Variants in FNDC3A observed in about 807,000 individuals in gnomAD.
FNDC3A encodes the protein fibronectin type-III domain-containing protein 3A.
FNDC3A carries 32 observed loss-of-function variants against 148.9 expected under a neutral mutation model. That is an observed-to-expected ratio of 0.21 (90% confidence interval 0.16 to 0.29). FNDC3A has a LOEUF of 0.29. FNDC3A is among the 10% of genes least tolerant of loss of function. The probability of loss-of-function intolerance (pLI) is 1.00; values close to 1 mark genes in which losing one functional copy is unlikely to be tolerated. For synonymous variants in FNDC3A, 472 were observed against 473.6 expected (o/e 1.00, Z 0.04); for missense variants, 1,191 against 1,452.8 (o/e 0.82, Z 2.93).
rs528184270 is a variant in FNDC3A, at chr13:49,176,826, G to T, written c.1530+1285G>T. Among the ~76,000 whole-genome samples, 5 of 152,122 alleles carry T rather than the reference G, an allele frequency of 3.3e-5. No individual in the cohort carries two copies. In the South Asian group the frequency reaches 1.0e-3, roughly 32 times the overall value. On this transcript the variant is annotated intron_variant, in intron 13 of 25. Transcript: ENST00000492622. Reference sequence around the variant, plus strand: ...AGTCTTTTTTTTTCTTTTGCAACAGGGTCTTGCTCTGTAGCCCAGGCTGGA... The same window carrying T: ...AGTCTTTTTTTTTCTTTTGCAACAGTGTCTTGCTCTGTAGCCCAGGCTGGA...
Position 49,203,389 on chromosome 13 carries a change from T to C in FNDC3A, c.3282+105T>C, listed in dbSNP as rs112094843. On this transcript the variant is annotated intron_variant, in intron 25 of 25. Transcript: ENST00000492622. ...CCATCTTTACCTTTTAATTCATAAA[T>C]ATTTATTCAGTATATATTATGTTCC... The C allele has an allele frequency of 1.9e-3, 1,490 of 772,328 alleles. 17 individuals are homozygous for C. In the African/African-American group the frequency reaches 0.023, roughly 12 times the overall value. The allele number at this position is 772,328 out of a possible 1,614,324, so 47.8% of individuals were successfully genotyped here. A position where few individuals can be genotyped will look rare whatever the true frequency, so the allele number is the denominator to read the frequency against.
intron 2 of FNDC3A, among the ~76,000 whole-genome samples, chr13:49,035,216 A>C (rs1416696548): frequency 6.6e-6 from 1 of 152,116 alleles, no homozygotes; most frequent in African/African-American, 2.4e-5. Context: ...ACCCATGTGC[A>C]GGTAATGACA....
At chr13:49,047,637 A>T (rs1875518683) in intron 2 of FNDC3A, among the ~76,000 whole-genome samples, 1 of 151,268 alleles carries the variant, frequency 6.6e-6, no homozygotes, top group African/African-American at 2.4e-5. Context: ...TTTTGATGGG[A>T]TTGTTTGTTT....
chr13:49,192,352 TG>T (rs1885929532), intron 19 of FNDC3A, among the ~76,000 whole-genome samples: 1 of 152,148 alleles, frequency 6.6e-6, no homozygotes, highest in African/African-American at 2.4e-5. Context: ...TGGAATGCAG[TG>T]GTGTGATCTT....
intron 4 of FNDC3A, among the ~76,000 whole-genome samples, chr13:49,121,578 G>A (rs1881346063): frequency 6.6e-6 from 1 of 151,788 alleles, no homozygotes; most frequent in Non-Finnish European, 1.5e-5. Context: ...TTGAAAAGAT[G>A]AACAAAATAG....
intron 2 of FNDC3A, among the ~76,000 whole-genome samples, chr13:49,024,457 A>T (rs894107549): frequency 6.6e-6 from 1 of 152,062 alleles, no homozygotes; most frequent in Non-Finnish European, 1.5e-5. Flanking sequence ...CCTGATGGAC[A>T]TAGACACAAA....
At chr13:49,079,433 A>G (rs1400905289) in intron 3 of FNDC3A, among the ~76,000 whole-genome samples, 1 of 152,216 alleles carries the variant, frequency 6.6e-6, no homozygotes, top group African/African-American at 2.4e-5. Context: ...AGTGGTATGT[A>G]AAGAAAAAAT....
intron 13 of FNDC3A, 92 bp from the exon 14 acceptor site, chr13:49,178,476 T>C (rs1366535773): frequency 2.6e-6 from 2 of 773,306 alleles, no homozygotes; most frequent in Non-Finnish European, 4.4e-6. Context: ...TAGTAGAAGA[T>C]GAAGAGAAAC....
chr13:49,009,986 A>T (rs1207759871), intron 2 of FNDC3A, among the ~76,000 whole-genome samples: 1 of 152,228 alleles, frequency 6.6e-6, no homozygotes, highest in African/African-American at 2.4e-5. Context: ...GAAGTAACTT[A>T]AGAGATGGCA....
At position 49,089,882 on chromosome 13, in the gene FNDC3A, A is replaced by G. The variant is rs139698953; in HGVS notation, c.175+14518A>G. Among the ~76,000 whole-genome samples the G allele has an allele frequency of 2.7e-4, 41 of 152,282 alleles. No homozygotes were observed. The South Asian group carries it at 4.6e-3, about 17-fold the overall frequency. On this transcript the variant is annotated intron_variant, in intron 3 of 25. Coordinates refer to ENST00000492622, the MANE Select transcript of FNDC3A (RefSeq NM_001079673.2). The stretch of plus-strand genomic sequence containing the variant: ...ACACAGCAATAAAAAACTAAGACAA[A>G]TAATATGAACTTTTTTCTTTTCTCA...
At chr13:49,165,597 T>C (rs1349378660) in intron 8 of FNDC3A, among the ~76,000 whole-genome samples, 2 of 151,978 alleles carry the variant, frequency 1.3e-5, no homozygotes, top group Non-Finnish European at 2.9e-5. Context: ...GGCCCCCAGG[T>C]GTTGTACATG....
rs199523846 is a variant in FNDC3A, at chr13:49,172,050, G to T, written c.1184G>T (p.Ser395Ile). The part of the protein sequence containing the change: ...NSLTLQWKAP[S>I]DNGSKIQNFV... ...TTTTGGTGTTGGTTTTAGGCACCTA[G>T]TGACAATGGTTCTAAAATCCAAAAC... The change falls in exon 11 of 26, where the codon AGT becomes ATT. Residue 395 changes from serine to isoleucine, a missense_variant. Transcript: ENST00000492622. 66 of 1,605,436 alleles carry T rather than the reference G, an allele frequency of 4.1e-5. 1 individual carries two copies. In the East Asian group the frequency reaches 1.4e-3, roughly 34 times the overall value.
chr13:49,006,742 G>C (rs1044727463), intron 2 of FNDC3A, among the ~76,000 whole-genome samples: 1 of 151,756 alleles, frequency 6.6e-6, no homozygotes, highest in African/African-American at 2.4e-5. Flanking sequence ...CCCAGCCCAG[G>C]TCTTTATTTA....
At chr13:49,022,434 A>G (rs1471376967) in intron 2 of FNDC3A, among the ~76,000 whole-genome samples, 2 of 152,188 alleles carry the variant, frequency 1.3e-5, no homozygotes, top group African/African-American at 2.4e-5. Flanking sequence ...GAAAACTTTC[A>G]CCAATAGCCA....
chr13:49,044,890 C>A, intron 2 of FNDC3A: 1 of 283,770 alleles, frequency 3.5e-6, no homozygotes, highest in South Asian at 3.9e-5. Context: ...AATGAGCAAA[C>A]CCTCAAGATT....
At chr13:49,076,456 G>A (rs548001745) in intron 3 of FNDC3A, among the ~76,000 whole-genome samples, 2 of 151,750 alleles carry the variant, frequency 1.3e-5, no homozygotes, top group South Asian at 4.2e-4. Flanking sequence ...TGTTGGCCAG[G>A]CTGGTCTTGA....
At chr13:49,052,087 G>C (rs1329182991) in intron 2 of FNDC3A, among the ~76,000 whole-genome samples, 1 of 151,836 alleles carries the variant, frequency 6.6e-6, no homozygotes, top group East Asian at 1.9e-4. Flanking sequence ...TTCATATCCT[G>C]TATCATGTTT....
intron 19 of FNDC3A, among the ~76,000 whole-genome samples, chr13:49,193,273 C>CT (rs1210532859): frequency 6.0e-5 from 9 of 151,244 alleles, no homozygotes; most frequent in South Asian, 4.2e-4. Context: ...GATAGACAGA[C>CT]TTTTTTTTTG....
chr13:49,136,707 A>C, intron 6 of FNDC3A, 106 bp downstream of exon 6: 1 of 1,124,210 alleles, frequency 8.9e-7, no homozygotes, highest in East Asian at 2.5e-5. Context: ...GTCCAAATAG[A>C]CTGTTACAGG....
Sources: allele counts gnomAD v4.1 joint callset (sites outside exome capture counted in the v4.1 genomes callset), GRCh38; gene constraint gnomAD v4.1.1; transcripts MANE v1.5; gene names NCBI Gene and HGNC (gene_info 2026-07-23, HGNC 2026-07-21).